Variants in AKT3 observed in about 807,000 individuals in gnomAD.
AKT3 encodes the protein RAC-gamma serine/threonine-protein kinase.
In AKT3, 15 loss-of-function variants were observed where a neutral mutation model predicts 65.3. The observed-to-expected ratio is 0.23, with a 90% CI of 0.15 to 0.35. The LOEUF (loss-of-function observed/expected upper bound fraction) is 0.35. Among genes scored for constraint, AKT3 ranks in the 10% least tolerant of loss-of-function variants. The pLI is 1.00. For synonymous variants in AKT3, 206 were observed against 183.8 expected (o/e 1.12, Z -0.98); for missense variants, 243 against 576.5 (o/e 0.42, Z 5.92).
chr1:243,846,586 T>C (rs192726709), intron 1 of AKT3, among the ~76,000 whole-genome samples: 200 of 152,300 alleles, frequency 1.3e-3, no homozygotes, highest in Admixed American at 2.7e-3. Flanking sequence ...TGAGTTTACA[T>C]CTAATTTGAT....
At chr1:243,789,779 T>C (rs556787956) in intron 2 of AKT3, among the ~76,000 whole-genome samples, 1 of 152,304 alleles carries the variant, frequency 6.6e-6, no homozygotes, top group African/African-American at 2.4e-5. Flanking sequence ...TAATAAGACT[T>C]GAAAGTTGAA....
At chr1:243,763,937 TCAG>T (rs1048862180) in intron 2 of AKT3, among the ~76,000 whole-genome samples, 2 of 152,062 alleles carry the variant, frequency 1.3e-5, no homozygotes, top group African/African-American at 4.8e-5. Flanking sequence ...ATCAATCTAA[TCAG>T]CAGAATACTG....
chr1:243,775,701 T>C (rs1398465010), intron 2 of AKT3, among the ~76,000 whole-genome samples: 1 of 152,158 alleles, frequency 6.6e-6, no homozygotes, highest in African/African-American at 2.4e-5. Flanking sequence ...ATCCAAAGGC[T>C]AGAGAACAGA....
intron 6 of AKT3, among the ~76,000 whole-genome samples, chr1:243,621,982 C>T (rs1678786503): frequency 6.6e-6 from 1 of 152,168 alleles, no homozygotes; most frequent in African/African-American, 2.4e-5. Flanking sequence ...TATCTGCTTC[C>T]AATCCACAGT....
intron 4 of AKT3, among the ~76,000 whole-genome samples, chr1:243,659,612 ATG>A (rs796599667): frequency 1.4e-4 from 22 of 152,296 alleles, no homozygotes; most frequent in African/African-American, 5.3e-4. Context: ...AAATATGTAT[ATG>A]TGTTATCCAC....
intron 13 of AKT3, among the ~76,000 whole-genome samples, chr1:243,511,560 A>C (rs1670016161): frequency 6.6e-6 from 1 of 152,226 alleles, no homozygotes; most frequent in African/African-American, 2.4e-5. Context: ...GTGAACCCAA[A>C]GATGTGTAAC....
At chr1:243,842,306 AG>A (rs1350360086) in intron 2 of AKT3, among the ~76,000 whole-genome samples, 1 of 152,194 alleles carries the variant, frequency 6.6e-6, no homozygotes, top group Non-Finnish European at 1.5e-5. Flanking sequence ...GTAGATATAC[AG>A]GAACTAAAAG....
chr1:243,544,135 G>A (rs550455470), intron 12 of AKT3, among the ~76,000 whole-genome samples: 28 of 151,220 alleles, frequency 1.9e-4, no homozygotes, highest in South Asian at 4.2e-4. Context: ...AGAAAAATTC[G>A]GAGTAGATTA....
intron 2 of AKT3, among the ~76,000 whole-genome samples, chr1:243,758,721 C>A (rs1049504015): frequency 6.6e-6 from 1 of 152,164 alleles, no homozygotes; most frequent in African/African-American, 2.4e-5. Context: ...CTAGATCCCT[C>A]GCATGCAGAG....
At chr1:243,850,462 C>A (rs1442818840), upstream of AKT3, among the ~76,000 whole-genome samples, 1 of 151,300 alleles carries the variant, frequency 6.6e-6, no homozygotes, top group Non-Finnish European at 1.5e-5. Flanking sequence ...GGCGGCGGCT[C>A]TGGGCCCCGG....
intron 2 of AKT3, among the ~76,000 whole-genome samples, chr1:243,707,395 C>A (rs1256026020): frequency 6.6e-6 from 1 of 152,058 alleles, no homozygotes; most frequent in East Asian, 1.9e-4. Flanking sequence ...AACTGAGTGT[C>A]GCTTATGTTT....
In AKT3 at chr1:243,582,926, A is replaced by T. The variant is rs114249203; in HGVS notation, c.697-9878T>A. 6.2e-3 allele frequency among the ~76,000 whole-genome samples: 945 copies of T among 151,688 alleles called. 6 individuals carry two copies. The highest frequency in any genetic ancestry group is 0.021 in the African/African-American group (883 of 41,368). On this transcript the variant is annotated intron_variant, in intron 8 of 13. Transcript: ENST00000673466. ...AAAGGTTTGGAGAAAGAGCTACCAC[A>T]CTAATGGAAAACAAAAAAGAGCAGG...
At chr1:243,606,446 T>C (rs544342971) in intron 8 of AKT3, among the ~76,000 whole-genome samples, 1 of 152,310 alleles carries the variant, frequency 6.6e-6, no homozygotes, top group East Asian at 1.9e-4. Context: ...CTTGCTATGC[T>C]TTACCAAAGA....
At chr1:243,559,019 T>C (rs1411491084) in intron 10 of AKT3, among the ~76,000 whole-genome samples, 1 of 152,094 alleles carries the variant, frequency 6.6e-6, no homozygotes, top group Non-Finnish European at 1.5e-5. Flanking sequence ...CTGCATAAAA[T>C]GGTTTGGATT....
intron 2 of AKT3, among the ~76,000 whole-genome samples, chr1:243,704,238 G>A (rs551057987): frequency 6.6e-6 from 1 of 152,026 alleles, no homozygotes; most frequent in South Asian, 2.1e-4. Flanking sequence ...AGAAAAACGG[G>A]CTAACAGTTA....
chr1:243,678,833 A>G (rs1434275646), intron 3 of AKT3, among the ~76,000 whole-genome samples: 1 of 152,198 alleles, frequency 6.6e-6, no homozygotes, highest in African/African-American at 2.4e-5. Context: ...TCTTTCTAAT[A>G]ACGTTTATAC....
intron 12 of AKT3, among the ~76,000 whole-genome samples, chr1:243,528,194 T>C (rs934648317): frequency 1.3e-5 from 2 of 152,196 alleles, no homozygotes; most frequent in African/African-American, 4.8e-5. Context: ...ATCTTAAATA[T>C]TACTTGTTTC....
chr1:243,696,901 G>GT (rs1356008215), intron 2 of AKT3, among the ~76,000 whole-genome samples: 14 of 151,734 alleles, frequency 9.2e-5, no homozygotes, highest in Non-Finnish European at 1.5e-4. Flanking sequence ...AAAATATCCT[G>GT]TGACTCCTTA....
At chr1:243,699,715 G>A (rs1209682680) in intron 2 of AKT3, among the ~76,000 whole-genome samples, 1 of 151,476 alleles carries the variant, frequency 6.6e-6, no homozygotes, top group Non-Finnish European at 1.5e-5. Flanking sequence ...ATTACCTTAT[G>A]GTAAAAAAGA....
Sources: allele counts gnomAD v4.1 joint callset (sites outside exome capture counted in the v4.1 genomes callset), GRCh38; gene constraint gnomAD v4.1.1; transcripts MANE v1.5; gene names NCBI Gene and HGNC (gene_info 2026-07-23, HGNC 2026-07-21).